COL18A1: variants seen among roughly 807,000 people sequenced by gnomAD.
The protein encoded by COL18A1 is collagen type XVIII alpha 1 chain, also known as collagen alpha-1(XVIII) chain.
COL18A1 carries 133 observed loss-of-function variants against 168.0 expected under a neutral mutation model. The ratio of observed to expected loss-of-function variants is 0.79; its 90% CI spans 0.69 to 0.91. The LOEUF (loss-of-function observed/expected upper bound fraction) is 0.91. Ranked by LOEUF, COL18A1 falls within the 40% of genes least tolerant of loss-of-function variation. The pLI is 0.00. For missense variants in COL18A1, 2,126 were observed against 1,925.4 expected (o/e 1.10, Z -1.95); for synonymous variants, 949 against 809.0 (o/e 1.17, Z -2.94).
At chr21:45,507,521 C>A (rs1409985436) in intron 37 of COL18A1, 40 bp from the exon 38 acceptor site, 20 of 1,603,652 alleles carry the variant, frequency 1.2e-5, no homozygotes, top group Non-Finnish European at 1.6e-5. Flanking sequence ...TGGCTCAGGC[C>A]CAGCCGCAGG....
intron 11 of COL18A1, 48 bp from the exon 12 acceptor site, chr21:45,480,417 GGC>G: frequency 6.2e-7 from 1 of 1,606,872 alleles, no homozygotes; most frequent in Non-Finnish European, 8.5e-7. Context: ...GAGTAGGCCA[GGC>G]GGGGGGCCGA....
At chr21:45,464,455 G>C (rs890910903) in intron 2 of COL18A1, among the ~76,000 whole-genome samples, 1 of 152,178 alleles carries the variant, frequency 6.6e-6, no homozygotes, top group Non-Finnish European at 1.5e-5. Context: ...TGGGGGCACC[G>C]TGTCCATCCC....
Position 45,456,088 on chromosome 21 carries a change from C to T in COL18A1, c.107-12154C>T, listed in dbSNP as rs760683399. On this transcript the variant is annotated intron_variant, in intron 2 of 41. Coordinates refer to ENST00000651438, the MANE Select transcript of COL18A1 (RefSeq NM_001379500.1). The stretch of plus-strand genomic sequence containing the variant: ...CGGGCGCCCACACAACCGAGGCTGG[C>T]ACCTTGCCTGCACCCACCCCATCGC... The T allele has an allele frequency of 8.1e-6, 13 of 1,599,954 alleles. No individual in the cohort carries two copies. Among genetic ancestry groups the T allele is most frequent in the Non-Finnish European group, 1.0e-5 (12 of 1,171,124 alleles).
chr21:45,486,300 CCTCTCCT>C (rs1478849686), intron 15 of COL18A1, among the ~76,000 whole-genome samples: 2 of 140,758 alleles, frequency 1.4e-5, no homozygotes, highest in Admixed American at 6.9e-5. Flanking sequence ...TCCTGAGCCT[CCTCTCCT>C]CTCTCCTCTC....
intron 37 of COL18A1, 105 bp from the exon 38 acceptor site, chr21:45,507,433 AGGGAGGGCACCCTCCTGTGGGCT>A: frequency 4.5e-6 from 3 of 666,704 alleles, no homozygotes; most frequent in Admixed American, 5.0e-5. Context: ...GGTGCTGGGC[AGGGAGGGCACCCTCCTGTGGGCT>A]GGGAGGGCCA....
rs539673174 is a variant in COL18A1, at chr21:45,413,683, G to A, written c.106+8210G>A. On this transcript the variant is annotated intron_variant, in intron 2 of 41. Transcript: ENST00000651438. ...GGAAGCGTCCATGGATCCCGTCCAC[G>A]CTAACCTTGGGGTCCCTCTGCCAGC... 8.5e-5 allele frequency among the ~76,000 whole-genome samples: 13 copies of A among 152,340 alleles called. 2 individuals are homozygous for A. The highest frequency in any genetic ancestry group is 2.9e-4 in the African/African-American group (12 of 41,588).
chr21:45,426,521 G>A (rs1390701878), intron 2 of COL18A1, among the ~76,000 whole-genome samples: 3 of 152,260 alleles, frequency 2.0e-5, no homozygotes, highest in South Asian at 2.1e-4. Context: ...CCCCTGCAGC[G>A]CTCCCCCATC....
intron 27 of COL18A1, 67 bp from the exon 28 acceptor site, chr21:45,494,795 G>A (rs1283652812): frequency 1.4e-6 from 2 of 1,454,640 alleles, no homozygotes; most frequent in Non-Finnish European, 9.5e-7. Context: ...CCCTTCCCCA[G>A]GACCCCCCAA....
intron 9 of COL18A1, among the ~76,000 whole-genome samples, chr21:45,478,832 C>G (rs2035777057): frequency 6.6e-6 from 1 of 152,170 alleles, no homozygotes; most frequent in Non-Finnish European, 1.5e-5. Flanking sequence ...AACAGCCTGC[C>G]CAGCAAATGG....
chr21:45,452,869 T>C (rs181058023), intron 2 of COL18A1, among the ~76,000 whole-genome samples: 2 of 152,028 alleles, frequency 1.3e-5, no homozygotes, highest in Admixed American at 6.5e-5. Context: ...GGCTTGTGTA[T>C]GCATGTGAGT....
At chr21:45,447,886 C>T (rs62216306) in intron 2 of COL18A1, among the ~76,000 whole-genome samples, 19,573 of 152,094 alleles carry the variant, frequency 0.13, 1,468 homozygotes, top group East Asian at 0.22. Context: ...TGCTGTGCTC[C>T]ACCCATTGGC....
In COL18A1 at chr21:45,425,645, T is replaced by A. The variant is rs1242535243; in HGVS notation, c.106+20172T>A. ...TGGAGTCAGAGGGTCCCTCTCGTCG[T>A]CCAGCCTCCCCGGCTCCTCAGGGGG... On this transcript the variant is annotated intron_variant, in intron 2 of 41. Transcript: ENST00000651438. This position sits in a 1 kb window ranked among gnomAD's most constrained non-coding sequence, Gnocchi z 4.1. Among the ~76,000 whole-genome samples, 1 of 152,120 alleles carries A rather than the reference T, an allele frequency of 6.6e-6. No individual in the cohort carries two copies. The highest frequency in any genetic ancestry group is 1.5e-5 in the Non-Finnish European group (1 of 68,018).
intron 32 of COL18A1, among the ~76,000 whole-genome samples, chr21:45,500,471 GGTGTGGTTTGGTGTGTTGCGTGTGT>G (rs1365506142): frequency 2.4e-4 from 20 of 84,040 alleles, no homozygotes; most frequent in African/African-American, 1.0e-3. Flanking sequence ...GTAGTGTGGG[GGTGTGGTTTGGTGTGTTGCGTGTGT>G]AGTGTGGGGG....
intron 19 of COL18A1, 120 bp from the exon 20 acceptor site, chr21:45,490,155 G>A (rs1483825838): frequency 1.4e-6 from 1 of 706,540 alleles, no homozygotes; most frequent in Non-Finnish European, 2.4e-6. Context: ...AGGCCCACAG[G>A]GGTGAGAGAG....
chr21:45,496,508 CGGCCCCCCAGGACCTCCAGGGCCCCCA>C lies in COL18A1; in HGVS notation c.2523_2549del (p.Pro844_Gly852del), dbSNP rs1568928950. ...CTCTGCCCTCCCCACAGGGAATGCC[CGGCCCCCCAGGACCTCCAGGGCCCCCA>C]GGCCCTCCAGGGACTCCTGTTTACG... On this transcript the variant is annotated inframe_deletion, in exon 30 of 42. Coordinates refer to ENST00000651438, the MANE Select transcript of COL18A1 (RefSeq NM_001379500.1). The C allele has an allele frequency of 2.1e-6, 3 of 1,457,812 alleles. No homozygotes were observed. The highest frequency in any genetic ancestry group is 2.3e-5 in the South Asian group (2 of 88,012). The allele number at this position is 1,457,812 out of a possible 1,614,324, so 90.3% of individuals were successfully genotyped here. A position where few individuals can be genotyped will look rare whatever the true frequency, so the allele number is the denominator to read the frequency against.
intron 2 of COL18A1, among the ~76,000 whole-genome samples, chr21:45,426,675 C>T (rs762762264): frequency 3.9e-5 from 6 of 152,336 alleles, no homozygotes; most frequent in South Asian, 2.1e-4. Context: ...TCAGCCCTTG[C>T]GTGAGACCAC....
rs770145629 is a variant in COL18A1, at chr21:45,477,454, G to T, written c.972G>T (p.Gly324=). 1.9e-6 allele frequency: 3 copies of T among 1,612,904 alleles called. No homozygotes were observed. Among genetic ancestry groups the T allele is most frequent in the East Asian group, 2.2e-5 (1 of 44,844 alleles). Residue 324 remains glycine, a synonymous_variant, in exon 7 of 42, where the codon GGG becomes GGT. Coordinates refer to ENST00000651438, the MANE Select transcript of COL18A1 (RefSeq NM_001379500.1). The stretch of plus-strand genomic sequence containing the variant: ...CAGATTCTGTCTCCACGTGGGACGG[G>T]AGTGTCCGGACCCCTGGGGGCCGCG... ...PGSDSVSTWD[G]SVRTPGGRVK... is the part of the protein sequence containing the mutation.
chr21:45,495,808 C>T (rs78394363), intron 29 of COL18A1: 41,522 of 341,642 alleles, frequency 0.12, 2,843 homozygotes, highest in African/African-American at 0.15. Flanking sequence ...CATGCATATA[C>T]GAGCCTGTCC....
chr21:45,424,075 G>A (rs895408436), intron 2 of COL18A1: 5 of 152,506 alleles, frequency 3.3e-5, no homozygotes, highest in Non-Finnish European at 5.9e-5. Flanking sequence ...AGTCCCTGCA[G>A]AGGGTCCCGG....
Sources: gnomAD v4.1 joint callset for allele counts (sites outside exome capture counted in the v4.1 genomes callset) on GRCh38, gnomAD v4.1.1 for gene constraint, Gnocchi (gnomAD v3.1) non-coding constraint, MANE v1.5 for transcripts, NCBI Gene and HGNC (gene_info 2026-07-23, HGNC 2026-07-21) for gene names.